JMJD1C: variants seen among roughly 807,000 people sequenced by gnomAD.
JMJD1C encodes the protein jumonji domain-containing protein 1C.
A neutral mutation model predicts 245.3 loss-of-function variants in JMJD1C; 31 were observed. The ratio of observed to expected loss-of-function variants is 0.13; its 90% CI spans 0.09 to 0.17. The LOEUF is 0.17. Among genes scored for constraint, JMJD1C ranks in the 10% least tolerant of loss-of-function variants. JMJD1C has a pLI of 1.00. For missense variants in JMJD1C, 2,691 were observed against 3,000.2 expected (o/e 0.90, Z 2.41); for synonymous variants, 1,057 against 1,017.4 (o/e 1.04, Z -0.74).
intron 24 of JMJD1C, among the ~76,000 whole-genome samples, chr10:63,172,258 A>C (rs993241034): frequency 6.6e-6 from 1 of 152,232 alleles, no homozygotes; most frequent in African/African-American, 2.4e-5. Context: ...TTTTCTAACT[A>C]TCTCAAAGAA....
At chr10:63,168,807 T>C (rs1381475349) in intron 24 of JMJD1C, among the ~76,000 whole-genome samples, 1 of 152,208 alleles carries the variant, frequency 6.6e-6, no homozygotes, top group Non-Finnish European at 1.5e-5. Context: ...AAAATAACTT[T>C]TCCAGGAATC....
intron 9 of JMJD1C, 42 bp from the exon 10 acceptor site, chr10:63,208,843 C>T (rs1846974624): frequency 6.8e-7 from 1 of 1,465,462 alleles, no homozygotes; most frequent in East Asian, 2.3e-5. Context: ...CCACTTTTTC[C>T]TGCAAAATAC....
intron 2 of JMJD1C, among the ~76,000 whole-genome samples, chr10:63,289,956 A>C (rs1374584445): frequency 6.6e-6 from 1 of 152,102 alleles, no homozygotes; most frequent in Admixed American, 6.6e-5. Flanking sequence ...AAATCACAGA[A>C]GTTAAAAAAA....
At chr10:63,462,169 G>A (rs1022245797) in intron 1 of JMJD1C, among the ~76,000 whole-genome samples, 1 of 152,150 alleles carries the variant, frequency 6.6e-6, no homozygotes, top group African/African-American at 2.4e-5. Context: ...AAAAGGCTTA[G>A]ATATTTTGTT....
Position 63,450,102 on chromosome 10 carries a change from G to T in JMJD1C, c.168+15393C>A, listed in dbSNP as rs138398490. On this transcript the variant is annotated intron_variant, in intron 1 of 25. Transcript: ENST00000399262. ...CACTCCAGTATGGGTGACAGAGTGA[G>T]ACCCTGTCTCAAAAAACAAAAAACA... Among the ~76,000 whole-genome samples the T allele has an allele frequency of 6.7e-4, 102 of 152,074 alleles. 1 individual carries two copies. Among genetic ancestry groups the T allele is most frequent in the African/African-American group, 2.4e-3 (99 of 41,476 alleles).
At chr10:63,233,931 T>C (rs1318095687) in intron 3 of JMJD1C, among the ~76,000 whole-genome samples, 1 of 152,050 alleles carries the variant, frequency 6.6e-6, no homozygotes, top group Non-Finnish European at 1.5e-5. Context: ...AAAAGAAACA[T>C]TTAAGATGAA....
In JMJD1C at chr10:63,215,070, C is replaced by A. The variant is rs754870123; in HGVS notation, c.1097G>T (p.Arg366Ile). 1.3e-6 allele frequency: 2 copies of A among 1,599,102 alleles called. No homozygotes were observed. Among genetic ancestry groups the A allele is most frequent in the South Asian group, 2.3e-5 (2 of 86,290 alleles). ...GTCTGAAACATTGTCAGTTCGAAGT[C>A]TTTTCATATTTAGTTTCTTTTCATC... ...EEDEKKLNMK[R>I]LRTDNVSDFS... Residue 366 changes from arginine to isoleucine, a missense_variant, in exon 8 of 26, where the codon AGA becomes ATA. Arg to Ile is a moderately conservative substitution (Grantham distance 97). Around this residue, in one of 9 missense-constraint regions of JMJD1C, gnomAD observed 1,562 missense variants for 1,490.7 expected, o/e 1.05. Transcript: ENST00000399262.
chr10:63,488,152 T>C (rs1165202543), intron 1 of JMJD1C, among the ~76,000 whole-genome samples: 2 of 152,210 alleles, frequency 1.3e-5, no homozygotes, highest in African/African-American at 2.4e-5. Context: ...TACAGACATC[T>C]GTTTGCACAC....
rs1457343516 is a variant in JMJD1C at position 63,213,802 on chromosome 10, C to T, written c.2365G>A (p.Ala789Thr). 3.7e-6 allele frequency: 6 copies of T among 1,614,002 alleles called. No individual in the cohort carries two copies. The highest frequency in any genetic ancestry group is 1.3e-5 in the African/African-American group (1 of 75,040). Residue 789 changes from alanine (A) to threonine (T), a missense_variant, in exon 8 of 26, where the codon GCT becomes ACT. By Grantham distance (58) the Ala-to-Thr change is moderately conservative. Coordinates refer to ENST00000399262, the MANE Select transcript of JMJD1C (RefSeq NM_032776.3). ...GGAAGTAAATGAGGGTGATGAACAGCATGGTGTGGACCACTAGTCAGAGGA... is the reference window on the plus strand; with the variant it reads ...GGAAGTAAATGAGGGTGATGAACAGTATGGTGTGGACCACTAGTCAGAGGA... ...THPLTSGPHHAVHHPHLLPTV... is the reference protein window; with the variant it reads ...THPLTSGPHHTVHHPHLLPTV...
intron 2 of JMJD1C, among the ~76,000 whole-genome samples, chr10:63,331,564 T>C (rs1320412942): frequency 6.6e-6 from 1 of 152,234 alleles, no homozygotes; most frequent in Non-Finnish European, 1.5e-5. Context: ...CATTTGTTTC[T>C]AGGGTGATCC....
At chr10:63,310,547 G>C (rs933423458) in intron 2 of JMJD1C, among the ~76,000 whole-genome samples, 7 of 152,152 alleles carry the variant, frequency 4.6e-5, no homozygotes, top group African/African-American at 1.4e-4. Flanking sequence ...CTTAGTAAGT[G>C]CTGCTTAGAA....
chr10:63,306,315 A>G lies in JMJD1C; in HGVS notation c.334-41551T>C, dbSNP rs1938219482. Among the ~76,000 whole-genome samples the G allele has an allele frequency of 2.0e-5, 3 of 152,058 alleles. No individual in the cohort carries two copies. The South Asian group carries it at 6.2e-4, about 31-fold the overall frequency. The stretch of plus-strand genomic sequence containing the variant: ...ATGTTAGCCAGGCTGGTCTCAAACT[A>G]CTGGCCTCGAATGATCTGCCCGTCT... On this transcript the variant is annotated intron_variant, in intron 2 of 25. Transcript: ENST00000399262.
intron 2 of JMJD1C, among the ~76,000 whole-genome samples, chr10:63,301,388 T>C (rs1457970909): frequency 1.3e-5 from 2 of 152,176 alleles, no homozygotes; most frequent in African/African-American, 4.8e-5. Flanking sequence ...CAATTACCCT[T>C]TTACTCTAGG....
chr10:63,359,295 G>A (rs1234207712), intron 2 of JMJD1C, among the ~76,000 whole-genome samples: 1 of 152,160 alleles, frequency 6.6e-6, no homozygotes, highest in Non-Finnish European at 1.5e-5. Context: ...TTTCTAAGCT[G>A]TTGTGCACAT....
intron 1 of JMJD1C, among the ~76,000 whole-genome samples, chr10:63,396,615 G>C (rs1381007339): frequency 6.6e-6 from 1 of 152,118 alleles, no homozygotes; most frequent in Non-Finnish European, 1.5e-5. Flanking sequence ...TTCCCTAAAT[G>C]AAACTGTGGT....
intron 5 of JMJD1C, among the ~76,000 whole-genome samples, chr10:63,216,264 A>G (rs1254966580): frequency 1.3e-5 from 2 of 152,196 alleles, no homozygotes; most frequent in African/African-American, 4.8e-5. Flanking sequence ...ATTGTGTATA[A>G]AGGCGCTCTA....
At chr10:63,365,527 T>C (rs1000444773) in intron 2 of JMJD1C, among the ~76,000 whole-genome samples, 5 of 152,132 alleles carry the variant, frequency 3.3e-5, no homozygotes, top group African/African-American at 4.8e-5. Flanking sequence ...TCTCAGCATT[T>C]TGGGAGGCTG....
intron 4 of JMJD1C, chr10:63,217,622 T>C: frequency 5.3e-6 from 1 of 190,288 alleles, no homozygotes; most frequent in Non-Finnish European, 1.1e-5. Flanking sequence ...TGCAAAGTTA[T>C]AGTAGTGTAG....
chr10:63,222,891 A>G, intron 3 of JMJD1C: 1 of 1,494,016 alleles, frequency 6.7e-7, no homozygotes, highest in East Asian at 2.3e-5. Context: ...CCTACCAAAA[A>G]GAAGTGGGAA....
Sources: gnomAD v4.1 joint callset for allele counts (sites outside exome capture counted in the v4.1 genomes callset) on GRCh38, gnomAD v4.1.1 for gene constraint, gnomAD v4.1.1 regional missense constraint, MANE v1.5 for transcripts, NCBI Gene and HGNC (gene_info 2026-07-23, HGNC 2026-07-21) for gene names.